CNTN6: variants seen among roughly 807,000 people sequenced by gnomAD.
The protein encoded by CNTN6 is contactin 6.
CNTN6 carries 137 observed loss-of-function variants against 122.8 expected under a neutral mutation model. The ratio of observed to expected loss-of-function variants is 1.12; its 90% CI spans 0.97 to 1.29. CNTN6 has a LOEUF of 1.29. Among genes scored for constraint, CNTN6 ranks in the 50% most tolerant of loss-of-function variants. CNTN6 has a pLI of 0.00. For missense variants in CNTN6, 1,634 were observed against 1,223.4 expected, an observed-to-expected ratio of 1.34 and a Z score of -5.01; for synonymous variants, 570 against 426.0, an observed-to-expected ratio of 1.34 and a Z score of -4.16.
intron 1 of CNTN6, among the ~76,000 whole-genome samples, chr3:1,126,316 TATG>T (rs1330474570): frequency 6.6e-6 from 1 of 151,894 alleles, no homozygotes; most frequent in African/African-American, 2.4e-5. Context: ...TTAAAATAAA[TATG>T]ATTCTACTGG....
intron 7 of CNTN6, among the ~76,000 whole-genome samples, chr3:1,305,675 A>C (rs577256738): frequency 1.3e-5 from 2 of 151,942 alleles, no homozygotes; most frequent in Non-Finnish European, 2.9e-5. Flanking sequence ...CCTTTTTTTA[A>C]AAAAATCTTA....
chr3:1,244,732 G>A (rs1484847312), intron 4 of CNTN6, among the ~76,000 whole-genome samples: 1 of 152,090 alleles, frequency 6.6e-6, no homozygotes, highest in Non-Finnish European at 1.5e-5. Context: ...GTCAGCGAAG[G>A]GAGATAGGGG....
At chr3:1,388,243 G>A (rs576097395) in intron 20 of CNTN6, among the ~76,000 whole-genome samples, 4 of 149,198 alleles carry the variant, frequency 2.7e-5, no homozygotes, top group African/African-American at 4.9e-5. Context: ...TCCTCAAGTG[G>A]GTCCCTGACC....
chr3:1,116,698 CTTTTTTTT>C (rs10594022), intron 1 of CNTN6, among the ~76,000 whole-genome samples: 1 of 71,748 alleles, frequency 1.4e-5, no homozygotes, highest in South Asian at 5.6e-4. Context: ...GTCATCAAAT[CTTTTTTTT>C]TTTTTTTTTT....
At chr3:1,232,682 A>G (rs957645953) in intron 4 of CNTN6, among the ~76,000 whole-genome samples, 3 of 152,198 alleles carry the variant, frequency 2.0e-5, no homozygotes, top group South Asian at 2.1e-4. Context: ...AAATCCAGAC[A>G]GAGTGAAGAG....
At chr3:1,096,118 G>A (rs2090510972) in intron 1 of CNTN6, among the ~76,000 whole-genome samples, 1 of 152,186 alleles carries the variant, frequency 6.6e-6, no homozygotes, top group Admixed American at 6.5e-5. Context: ...TTTTGGAAAT[G>A]TGTAAATGTT....
At chr3:1,326,039 A>G (rs1443548342) in intron 9 of CNTN6, 88 bp downstream of exon 9, 19 of 1,139,020 alleles carry the variant, frequency 1.7e-5, no homozygotes, top group Non-Finnish European at 2.4e-5. Flanking sequence ...AGAAACAGCT[A>G]ATGTTAATGG....
chr3:1,402,339 CAG>C lies in CNTN6; in HGVS notation c.2842_2843del (p.Ser948Ter), dbSNP rs1576125333. On this transcript the variant is annotated frameshift_variant, in exon 22 of 23. Transcript: ENST00000446702. LOFTEE classifies it high-confidence loss of function. ...GYKILYRQNR[Q>X]SKTHILETNN... is the part of the protein sequence containing the mutation. ...TCAGATTCTGTACCGGCAAAACAGA[CAG>C]AGTAAAACTCATATTTTGGAAACAA... is the stretch of plus-strand genomic sequence containing the variant. 1 of 1,608,472 alleles carries C rather than the reference CAG, an allele frequency of 6.2e-7. No individual in the cohort carries two copies. Among genetic ancestry groups the C allele is most frequent in the South Asian group, 1.1e-5 (1 of 90,546 alleles).
At chr3:1,358,655 C>CT (rs1189763653) in intron 12 of CNTN6, among the ~76,000 whole-genome samples, 3 of 152,096 alleles carry the variant, frequency 2.0e-5, no homozygotes, top group Admixed American at 6.6e-5. Flanking sequence ...GCCTTATCCT[C>CT]TTTTTTTGGG....
intron 4 of CNTN6, among the ~76,000 whole-genome samples, chr3:1,243,640 G>A (rs975617266): frequency 3.3e-5 from 5 of 152,112 alleles, no homozygotes; most frequent in South Asian, 2.1e-4. Flanking sequence ...GAGCCTAAAC[G>A]CTATCTGATT....
chr3:1,257,712 C>T (rs1323424408), intron 4 of CNTN6, among the ~76,000 whole-genome samples: 1 of 152,140 alleles, frequency 6.6e-6, no homozygotes, highest in African/African-American at 2.4e-5. Flanking sequence ...CTTCACACCC[C>T]TCCCGGCAGG....
chr3:1,399,520 A>G (rs1344688321), intron 20 of CNTN6, among the ~76,000 whole-genome samples: 4 of 152,092 alleles, frequency 2.6e-5, no homozygotes, highest in Non-Finnish European at 5.9e-5. Flanking sequence ...GACATGGTCA[A>G]TCCAATTGGC....
chr3:1,128,712 C>T (rs993349032), intron 1 of CNTN6, among the ~76,000 whole-genome samples: 2 of 151,932 alleles, frequency 1.3e-5, no homozygotes, highest in Admixed American at 6.6e-5. Context: ...CAACATCCTC[C>T]TGCAGATGCA....
intron 1 of CNTN6, among the ~76,000 whole-genome samples, chr3:1,141,324 C>T (rs1287669636): frequency 6.6e-6 from 1 of 152,138 alleles, no homozygotes; most frequent in African/African-American, 2.4e-5. Context: ...GGATCTTGAT[C>T]TTCACTATGA....
intron 7 of CNTN6, 127 bp downstream of exon 7, chr3:1,298,118 G>T (rs1696594320): frequency 1.6e-6 from 1 of 639,286 alleles, no homozygotes; most frequent in Non-Finnish European, 2.7e-6. Context: ...GGGCAACAGT[G>T]GAACTTTCTG....
At chr3:1,308,827 C>T (rs1300289233) in intron 7 of CNTN6, among the ~76,000 whole-genome samples, 2 of 152,042 alleles carry the variant, frequency 1.3e-5, no homozygotes, top group African/African-American at 4.8e-5. Flanking sequence ...TTTAGCCATT[C>T]TTACAGGTGT....
chr3:1,147,663 G>A (rs891842837), intron 1 of CNTN6, among the ~76,000 whole-genome samples: 1 of 151,916 alleles, frequency 6.6e-6, no homozygotes, highest in Non-Finnish European at 1.5e-5. Context: ...CAGAAATTTT[G>A]CAGCACAATA....
intron 11 of CNTN6, among the ~76,000 whole-genome samples, chr3:1,350,279 G>A (rs1206904227): frequency 6.6e-6 from 1 of 151,476 alleles, no homozygotes; most frequent in Non-Finnish European, 1.5e-5. Context: ...ATATCTTTAG[G>A]GCATCTAGTG....
At chr3:1,099,693 C>G (rs541248040) in intron 1 of CNTN6, among the ~76,000 whole-genome samples, 10 of 152,208 alleles carry the variant, frequency 6.6e-5, no homozygotes, top group African/African-American at 1.9e-4. Context: ...TTTCTGGTCT[C>G]AGAATTCCTA....
Sources: gnomAD v4.1 joint callset for allele counts (sites outside exome capture counted in the v4.1 genomes callset) on GRCh38, gnomAD v4.1.1 for gene constraint, MANE v1.5 for transcripts, NCBI Gene and HGNC (gene_info 2026-07-23, HGNC 2026-07-21) for gene names.